Variants in HMCES observed in about 807,000 individuals in gnomAD.
The protein encoded by HMCES is 5-hydroxymethylcytosine binding, ES cell specific.
Under a neutral mutation model 35.1 loss-of-function variants are expected in HMCES, and 27 were observed. The observed-to-expected ratio is 0.77, with a 90% CI of 0.57 to 1.06. HMCES has a LOEUF of 1.06. HMCES is among the 50% of genes least tolerant of loss of function. The pLI is 0.00. For synonymous variants in HMCES, 130 were observed against 154.7 expected (o/e 0.84, Z 1.18); for missense variants, 391 against 430.4 (o/e 0.91, Z 0.81).
chr3:129,296,960 G>A (rs1402264486), intron 4 of HMCES, among the ~76,000 whole-genome samples: 3 of 152,010 alleles, frequency 2.0e-5, no homozygotes, highest in Non-Finnish European at 4.4e-5. Context: ...GGATGGTCTC[G>A]ATCTCCTGAC....
chr3:129,290,620 GC>G, intron 3 of HMCES, 58 bp from the exon 4 acceptor site: 2 of 1,555,796 alleles, frequency 1.3e-6, no homozygotes, highest in South Asian at 2.3e-5. Flanking sequence ...CCAAGTAATG[GC>G]AGCCTGTGAA....
At chr3:129,299,721 G>A (rs942155666) in intron 5 of HMCES, among the ~76,000 whole-genome samples, 26 of 140,042 alleles carry the variant, frequency 1.9e-4, no homozygotes, top group African/African-American at 5.8e-4. Flanking sequence ...GTGCGATCTC[G>A]GCTCACTGCA....
intron 2 of HMCES, among the ~76,000 whole-genome samples, chr3:129,285,958 G>A (rs961835657): frequency 1.3e-5 from 2 of 152,140 alleles, no homozygotes; most frequent in Non-Finnish European, 2.9e-5. Context: ...TCAAACTCCT[G>A]ACCTGAGGTG....
At chr3:129,299,648 C>CTTTTT (rs34382705) in intron 5 of HMCES, among the ~76,000 whole-genome samples, 47 of 110,100 alleles carry the variant, frequency 4.3e-4, no homozygotes, top group Non-Finnish European at 6.1e-4. Context: ...ATAGGTGCTT[C>CTTTTT]TTTTTTTTTT....
intron 2 of HMCES, among the ~76,000 whole-genome samples, chr3:129,283,460 C>A (rs1940551626): frequency 6.6e-6 from 1 of 151,530 alleles, no homozygotes; most frequent in Non-Finnish European, 1.5e-5. Flanking sequence ...ACCTCCCCAG[C>A]AGCTGGGATC....
At chr3:129,281,770 G>A (rs913348579) in intron 2 of HMCES, among the ~76,000 whole-genome samples, 1 of 151,664 alleles carries the variant, frequency 6.6e-6, no homozygotes, top group Non-Finnish European at 1.5e-5. Flanking sequence ...AGGCTGAGGC[G>A]GGGCAGTGGG....
intron 4 of HMCES, among the ~76,000 whole-genome samples, chr3:129,291,335 T>A (rs900140880): frequency 1.9e-4 from 29 of 152,250 alleles, no homozygotes; most frequent in Non-Finnish European, 1.3e-4. Flanking sequence ...ATTTTTAGAA[T>A]ATTTTTATCA....
intron 2 of HMCES, among the ~76,000 whole-genome samples, chr3:129,287,904 A>G (rs911867844): frequency 1.3e-5 from 2 of 152,004 alleles, no homozygotes; most frequent in African/African-American, 4.8e-5. Context: ...GTAAAAATAC[A>G]AAAATTAGCT....
At chr3:129,288,211 G>A (rs1438834617) in intron 2 of HMCES, among the ~76,000 whole-genome samples, 5 of 151,990 alleles carry the variant, frequency 3.3e-5, no homozygotes, top group African/African-American at 9.7e-5. Context: ...GGAATTCAAC[G>A]TTGCAGTGAG....
At chr3:129,302,858 A>T (rs1052618731) in intron 6 of HMCES, among the ~76,000 whole-genome samples, 2 of 145,494 alleles carry the variant, frequency 1.4e-5, no homozygotes, top group Non-Finnish European at 3.0e-5. Flanking sequence ...CACAAAAAGG[A>T]AAAAAAAAAA....
At chr3:129,304,490 G>C in intron 6 of HMCES, 99 bp from the exon 7 acceptor site, 1 of 991,204 alleles carries the variant, frequency 1.0e-6, no homozygotes, top group Non-Finnish European at 1.6e-6. Context: ...CCAAGCCTGG[G>C]TAAGTACCTA....
intron 3 of HMCES, among the ~76,000 whole-genome samples, chr3:129,290,247 G>A (rs374783162): frequency 6.6e-6 from 1 of 150,608 alleles, no homozygotes. Context: ...CTGTTTTAAG[G>A]TCATACATTG....
rs1488550957 is a variant in HMCES, at chr3:129,297,350, T to C, written c.454-1004T>C. 2.0e-5 allele frequency among the ~76,000 whole-genome samples: 3 copies of C among 152,110 alleles called. No individual in the cohort carries two copies. In the East Asian group the frequency reaches 5.8e-4, roughly 29 times the overall value. On this transcript the variant is annotated intron_variant, in intron 4 of 6. Transcript: ENST00000383463. Reference sequence around the variant, plus strand: ...CGTAGGGGGCTTTTTCTTTTTCTCCTTCCCCAGCCTCTGTGGGTCTTTACC... The same window carrying C: ...CGTAGGGGGCTTTTTCTTTTTCTCCCTCCCCAGCCTCTGTGGGTCTTTACC...
At chr3:129,301,222 A>AT (rs10700869) in intron 5 of HMCES, among the ~76,000 whole-genome samples, 1 of 151,162 alleles carries the variant, frequency 6.6e-6, no homozygotes, top group Non-Finnish European at 1.5e-5. Context: ...AAAAAAAAAA[A>AT]ATATGCTTTC....
intron 5 of HMCES, among the ~76,000 whole-genome samples, chr3:129,299,036 T>C (rs765449937): frequency 1.8e-4 from 28 of 152,074 alleles, no homozygotes; most frequent in Non-Finnish European, 3.7e-4. Flanking sequence ...TAGTCCCAGC[T>C]ACATGGGAGG....
intron 5 of HMCES, among the ~76,000 whole-genome samples, chr3:129,298,896 G>A (rs2071126782): frequency 6.6e-6 from 1 of 152,204 alleles, no homozygotes; most frequent in Non-Finnish European, 1.5e-5. Flanking sequence ...TGTAATCCCA[G>A]CACTTTGGGA....
chr3:129,284,901 G>C (rs1419314543), intron 2 of HMCES, among the ~76,000 whole-genome samples: 1 of 152,208 alleles, frequency 6.6e-6, no homozygotes, highest in Non-Finnish European at 1.5e-5. Flanking sequence ...AACAGAGCGA[G>C]ACTCCATCTC....
At chr3:129,295,158 C>CAAAAA (rs77238172) in intron 4 of HMCES, among the ~76,000 whole-genome samples, 3 of 64,666 alleles carry the variant, frequency 4.6e-5, no homozygotes, top group African/African-American at 1.3e-4. Context: ...GACTCCATCT[C>CAAAAA]AAAAAAAAAA....
intron 4 of HMCES, among the ~76,000 whole-genome samples, chr3:129,297,399 T>G (rs2071107241): frequency 6.6e-6 from 1 of 152,112 alleles, no homozygotes. Context: ...TGACAGGGAT[T>G]ATTATTATTA....
Sources: allele counts gnomAD v4.1 joint callset (sites outside exome capture counted in the v4.1 genomes callset), GRCh38; gene constraint gnomAD v4.1.1; transcripts MANE v1.5; gene names NCBI Gene and HGNC (gene_info 2026-07-23, HGNC 2026-07-21).